The following VAMP4 variants were observed in gnomAD, a reference collection of about 807,000 sequenced individuals.
The protein encoded by VAMP4 is vesicle associated membrane protein 4.
Under a neutral mutation model 23.5 loss-of-function variants are expected in VAMP4, and 19 were observed. The observed-to-expected ratio is 0.81, with a 90% CI of 0.56 to 1.19. The LOEUF (loss-of-function observed/expected upper bound fraction) is 1.19, where lower values mean the gene tolerates loss of function less well. Among genes scored for constraint, VAMP4 ranks in the 50% most tolerant of loss-of-function variants. The pLI, the probability that VAMP4 is intolerant of heterozygous loss-of-function variation, is 0.00. For missense variants in VAMP4, 145 were observed against 168.6 expected (o/e 0.86, Z 0.78); for synonymous variants, 31 against 51.0 (o/e 0.61, Z 1.67).
chr1:171,716,256 A>G (rs1255525396), intron 4 of VAMP4, among the ~76,000 whole-genome samples: 1 of 152,182 alleles, frequency 6.6e-6, no homozygotes, highest in African/African-American at 2.4e-5. Context: ...AATGTCTACA[A>G]TTCACTACAG....
chr1:171,708,998 A>G (rs926933151), intron 6 of VAMP4, among the ~76,000 whole-genome samples: 108 of 144,514 alleles, frequency 7.5e-4, no homozygotes, highest in African/African-American at 2.3e-3. Flanking sequence ...GAATCAGGAG[A>G]AAAAAAAAAA....
intron 6 of VAMP4, 38 bp from the exon 7 acceptor site, chr1:171,706,456 C>T (rs1654656263): frequency 6.4e-7 from 1 of 1,572,312 alleles, no homozygotes; most frequent in Non-Finnish European, 8.7e-7. Flanking sequence ...TAATATTTGA[C>T]TTGTTAATAA....
rs986054913 is a variant in VAMP4 at position 171,702,791 on chromosome 1, G to A, written c.*1715C>T. On this transcript the variant is annotated 3_prime_UTR_variant, in exon 8 of 8. Transcript: ENST00000236192. ...AATTGACATTTACAAAGAGCATAGA[G>A]ACCAAAGACAATATACACTATAGTA... is the stretch of plus-strand genomic sequence containing the variant. 6.6e-6 allele frequency: 1 copy of A among 151,926 alleles called. No individual in the cohort carries two copies. The highest frequency in any genetic ancestry group is 6.6e-5 in the Admixed American group (1 of 15,242). The allele number at this position is 151,926 out of a possible 1,614,324, so 9.4% of individuals were successfully genotyped here.
intron 4 of VAMP4, among the ~76,000 whole-genome samples, chr1:171,712,917 G>A (rs1433205539): frequency 6.6e-6 from 1 of 152,170 alleles, no homozygotes; most frequent in Admixed American, 6.5e-5. Flanking sequence ...CTGTGAAACA[G>A]CATGCTTTAC....
At chr1:171,723,831 AT>A (rs1655276887) in intron 3 of VAMP4, among the ~76,000 whole-genome samples, 1 of 152,226 alleles carries the variant, frequency 6.6e-6, no homozygotes, top group East Asian at 1.9e-4. Flanking sequence ...AATCTTCACA[AT>A]TTATGTTCAG....
rs1654788266 is a variant in VAMP4 at position 171,709,762 on chromosome 1, T to C, written c.266-18A>G. The C allele has an allele frequency of 1.3e-6, 2 of 1,588,712 alleles. No homozygotes were observed. Among genetic ancestry groups the C allele is most frequent in the Non-Finnish European group, 1.7e-6 (2 of 1,157,348 alleles). On this transcript the variant is annotated intron_variant, in intron 5 of 7. Coordinates refer to ENST00000236192, the MANE Select transcript of VAMP4 (RefSeq NM_003762.5). ...TAAGCTTTCTATATCACATAGAGGA[T>C]GGAGAGAAGGATTAAACGACATAAC...
chr1:171,712,195 C>A (rs556272196), intron 4 of VAMP4, among the ~76,000 whole-genome samples: 93 of 152,130 alleles, frequency 6.1e-4, no homozygotes, highest in African/African-American at 2.2e-3. Flanking sequence ...TGTAGATATG[C>A]AATTGTGTTT....
Position 171,721,611 on chromosome 1 carries a change from C to T in VAMP4, c.114-2390G>A, listed in dbSNP as rs547479573. Among the ~76,000 whole-genome samples, 12 of 152,174 alleles carry T rather than the reference C, an allele frequency of 7.9e-5. No individual in the cohort carries two copies. In the East Asian group the frequency reaches 2.3e-3, roughly 29 times the overall value. On this transcript the variant is annotated intron_variant, in intron 3 of 7. Transcript: ENST00000236192. ...CACAAGCATTCCTATACACCAATAA[C>T]AGACAAACAGAAAGCCAAATCATGA...
chr1:171,706,475 C>CT lies in VAMP4; in HGVS notation c.346-58dup. 2.0e-6 allele frequency: 3 copies of CT among 1,507,830 alleles called. No individual in the cohort carries two copies. In the East Asian group the frequency reaches 6.9e-5, roughly 35 times the overall value. 93.4% of individuals were successfully genotyped at this position (1,507,830 alleles called of 1,614,324 possible). A position where few individuals can be genotyped will look rare whatever the true frequency, so the allele number is the denominator to read the frequency against. The stretch of plus-strand genomic sequence containing the variant: ...ATTTGACTTGTTAATAAAGTCAAGA[C>CT]TATTTGTTGTTCTATTTACTGCATC... On this transcript the variant is annotated intron_variant, in intron 6 of 7. Transcript: ENST00000236192.
At chr1:171,735,287 A>G (rs1260895159) in intron 2 of VAMP4, among the ~76,000 whole-genome samples, 1 of 152,242 alleles carries the variant, frequency 6.6e-6, no homozygotes, top group Non-Finnish European at 1.5e-5. Context: ...AAAACTATAA[A>G]ATTAATGGGA....
chr1:171,739,409 C>T (rs981662439), intron 1 of VAMP4, among the ~76,000 whole-genome samples: 5 of 152,236 alleles, frequency 3.3e-5, no homozygotes, highest in Non-Finnish European at 5.9e-5. Flanking sequence ...TTGCCCTATG[C>T]ACCTCTTCCA....
At chr1:171,707,353 C>T (rs1452676246) in intron 6 of VAMP4, among the ~76,000 whole-genome samples, 2 of 152,176 alleles carry the variant, frequency 1.3e-5, no homozygotes, top group African/African-American at 4.8e-5. Flanking sequence ...ATATATCCAG[C>T]TGTTAATAAA....
intron 4 of VAMP4, among the ~76,000 whole-genome samples, chr1:171,711,580 G>A (rs1321447182): frequency 1.3e-5 from 2 of 152,104 alleles, no homozygotes. Context: ...TGTAATAACT[G>A]TCCTCAGCTA....
intron 3 of VAMP4, among the ~76,000 whole-genome samples, chr1:171,725,462 A>T (rs569138813): frequency 9.2e-5 from 14 of 152,038 alleles, no homozygotes; most frequent in African/African-American, 2.7e-4. Flanking sequence ...GCAAACAATT[A>T]AAAAAAATGA....
At chr1:171,707,443 G>A (rs761920898) in intron 6 of VAMP4, among the ~76,000 whole-genome samples, 8 of 152,046 alleles carry the variant, frequency 5.3e-5, no homozygotes, top group Non-Finnish European at 1.2e-4. Context: ...GTCTCCAACT[G>A]CACGACATCC....
chr1:171,709,526 C>A (rs1051045573), intron 6 of VAMP4, 139 bp downstream of exon 6: 1 of 650,802 alleles, frequency 1.5e-6, no homozygotes, highest in Non-Finnish European at 2.6e-6. Context: ...CAAGTATTTA[C>A]TGAATTTCTA....
chr1:171,706,585 G>A (rs1383445391), intron 6 of VAMP4, among the ~76,000 whole-genome samples, 167 bp from the exon 7 acceptor site: 1 of 151,988 alleles, frequency 6.6e-6, no homozygotes, highest in East Asian at 1.9e-4. Flanking sequence ...TATTACATGA[G>A]GCTATTCATA....
intron 4 of VAMP4, among the ~76,000 whole-genome samples, chr1:171,714,960 A>G (rs1654980549): frequency 6.6e-6 from 1 of 152,148 alleles, no homozygotes; most frequent in African/African-American, 2.4e-5. Context: ...CCTGGACCAG[A>G]GATGACATCA....
intron 1 of VAMP4, among the ~76,000 whole-genome samples, chr1:171,740,872 A>C (rs143168867): frequency 1.3e-5 from 2 of 152,380 alleles, no homozygotes; most frequent in East Asian, 3.9e-4. Flanking sequence ...AACCATGTGC[A>C]ACAAATAGCC....
Sources: allele counts gnomAD v4.1 joint callset (sites outside exome capture counted in the v4.1 genomes callset), GRCh38; gene constraint gnomAD v4.1.1; transcripts MANE v1.5; gene names NCBI Gene and HGNC (gene_info 2026-07-23, HGNC 2026-07-21).